Variants in MTG2 observed in about 807,000 individuals in gnomAD.
MTG2 encodes mitochondrial ribosome-associated GTPase 2.
A neutral mutation model predicts 28.6 loss-of-function variants in MTG2; 23 were observed. The observed-to-expected ratio is 0.80, with a 90% CI of 0.58 to 1.14. The LOEUF (loss-of-function observed/expected upper bound fraction) is 1.14. Among genes scored for constraint, MTG2 ranks in the 50% most tolerant of loss-of-function variants. The pLI is 0.00. For synonymous variants in MTG2, 260 were observed against 251.8 expected (o/e 1.03, Z -0.31); for missense variants, 539 against 552.0 (o/e 0.98, Z 0.24).
chr20:62,196,619 C>G (rs1470347149), intron 3 of MTG2, among the ~76,000 whole-genome samples: 2 of 151,938 alleles, frequency 1.3e-5, no homozygotes, highest in East Asian at 3.9e-4. Context: ...GCAGTGAGCT[C>G]CGATTGTGCT....
chr20:62,186,941 A>G (rs528125514), intron 1 of MTG2, among the ~76,000 whole-genome samples: 2 of 152,226 alleles, frequency 1.3e-5, no homozygotes, highest in East Asian at 3.9e-4. Context: ...GTTGCATAGC[A>G]GTGGTATGTG....
rs188471537 is a variant in MTG2, at chr20:62,191,655, C to T, written c.-5-1761C>T. Among the ~76,000 whole-genome samples, 114 of 152,276 alleles carry T rather than the reference C, an allele frequency of 7.5e-4. 1 individual carries two copies. In the East Asian group the frequency reaches 0.015, roughly 20 times the overall value. ...AGGCGGTGTCCCCTCGTTGTGCTCC[C>T]GCTCTGGCCCCGTGTTGAGTTTTCA... is the stretch of plus-strand genomic sequence containing the variant. On this transcript the variant is annotated intron_variant, in intron 1 of 6. Transcript: ENST00000370823.
chr20:62,198,884 C>A (rs1424830440), intron 5 of MTG2, 32 bp downstream of exon 5: 1 of 1,611,760 alleles, frequency 6.2e-7, no homozygotes, highest in East Asian at 2.2e-5. Flanking sequence ...AGCATCTGCA[C>A]ACACTCAGCT....
intron 1 of MTG2, among the ~76,000 whole-genome samples, chr20:62,188,225 G>A (rs543849353): frequency 3.9e-5 from 6 of 151,904 alleles, no homozygotes; most frequent in African/African-American, 1.4e-4. Flanking sequence ...TTTGGCCTAT[G>A]GATTATTTAG....
chr20:62,196,075 G>A lies in MTG2; in HGVS notation c.352+126G>A, dbSNP rs1476275144. The A allele has an allele frequency of 6.9e-6, 8 of 1,163,380 alleles. No homozygotes were observed. In the Admixed American group the frequency reaches 1.9e-4, roughly 27 times the overall value. The allele number at this position is 1,163,380 out of a possible 1,614,324, so 72.1% of individuals were successfully genotyped here. A position where few individuals can be genotyped will look rare whatever the true frequency, so the allele number is the denominator to read the frequency against. Reference sequence around the variant, plus strand: ...TGCCTGTGATCCCAGCACTTGGAGAGGCTGAGGCAGGAGGATCACTTGAGC... The same window carrying A: ...TGCCTGTGATCCCAGCACTTGGAGAAGCTGAGGCAGGAGGATCACTTGAGC... On this transcript the variant is annotated intron_variant, in intron 3 of 6. Coordinates refer to ENST00000370823, the MANE Select transcript of MTG2 (RefSeq NM_015666.4).
chr20:62,184,140 C>G (rs4925351), intron 1 of MTG2, among the ~76,000 whole-genome samples: 20,861 of 152,218 alleles, frequency 0.14, 1,475 homozygotes, highest in Non-Finnish European at 0.14. Context: ...GGGCAGATCA[C>G]GAGGTCAGGA....
rs1008640885 is a variant in MTG2 at position 62,199,175 on chromosome 20, A to G, written c.744A>G (p.Arg248=). The G allele has an allele frequency of 6.2e-7, 1 of 1,613,466 alleles. No homozygotes were observed. Among genetic ancestry groups the G allele is most frequent in the Non-Finnish European group, 8.5e-7 (1 of 1,179,866 alleles). The change falls in exon 6 of 7, where the codon AGA becomes AGG. Residue 248 remains arginine (R), a synonymous_variant. Transcript: ENST00000370823. ...TGCTCCGGGCCATTTCAAACGCCAG[A>G]CCCGCCGTGGCTTCCTACCCGTTCA... ...SSLLRAISNA[R]PAVASYPFTT...
At chr20:62,184,845 C>T (rs935124346) in intron 1 of MTG2, among the ~76,000 whole-genome samples, 2 of 151,930 alleles carry the variant, frequency 1.3e-5, no homozygotes, top group African/African-American at 2.4e-5. Flanking sequence ...TGTGGTGGCT[C>T]GCGCCTGTAA....
chr20:62,198,046 CGG>C lies in MTG2; in HGVS notation c.468+82_468+83del. 3 of 1,284,468 alleles carry C rather than the reference CGG, an allele frequency of 2.3e-6. No homozygotes were observed. In the Admixed American group the frequency reaches 5.5e-5, roughly 24 times the overall value. The allele number at this position is 1,284,468 out of a possible 1,614,324, so 79.6% of individuals were successfully genotyped here. A position where few individuals can be genotyped will look rare whatever the true frequency, so the allele number is the denominator to read the frequency against. ...CTCCTGGGGGCCACCGTGTGACCCA[CGG>C]GGCCCCTGTGGCTTGATGCCCACAG... On this transcript the variant is annotated intron_variant, in intron 4 of 6. Transcript: ENST00000370823.
intron 2 of MTG2, 188 bp downstream of exon 2, chr20:62,193,812 A>G (rs566623737): frequency 1.6e-6 from 1 of 615,784 alleles, no homozygotes; most frequent in East Asian, 2.8e-5. Flanking sequence ...ACGCTCAGCA[A>G]ATCCCAGCAG....
intron 4 of MTG2, 74 bp downstream of exon 4, chr20:62,198,041 A>G: frequency 7.3e-7 from 1 of 1,364,482 alleles, no homozygotes; most frequent in Non-Finnish European, 1.0e-6. Flanking sequence ...CCACCGTGTG[A>G]CCCACGGGGC....
chr20:62,198,969 C>A, intron 5 of MTG2, 117 bp downstream of exon 5: 2 of 1,537,908 alleles, frequency 1.3e-6, no homozygotes, highest in South Asian at 1.2e-5. Context: ...CACCTTTTTC[C>A]CATCAGTACA....
intron 1 of MTG2, among the ~76,000 whole-genome samples, chr20:62,184,182 C>G (rs765333410): frequency 6.6e-6 from 1 of 152,182 alleles, no homozygotes; most frequent in African/African-American, 2.4e-5. Flanking sequence ...CATGGTGAAA[C>G]CCCATCTCTA....
chr20:62,198,959 C>T (rs2058110611), intron 5 of MTG2, 107 bp downstream of exon 5: 1 of 1,546,684 alleles, frequency 6.5e-7, no homozygotes, highest in Non-Finnish European at 8.8e-7. Flanking sequence ...CTTTGCGACT[C>T]ACCTTTTTCC....
chr20:62,200,783 G>T lies in MTG2; in HGVS notation c.927G>T (p.Val309=), dbSNP rs771919472. The change falls in exon 7 of 7, where the codon GTG becomes GTT. Residue 309 remains valine (V), a synonymous_variant. Transcript: ENST00000370823. ...HIERCRFLLF[V]VDLSQPEPWT... is the part of the protein sequence containing the mutation. Reference sequence around the variant, plus strand: ...AGCGCTGCCGCTTTCTCTTGTTCGTGGTGGATCTTTCTCAGCCTGAGCCGT... The same window carrying T: ...AGCGCTGCCGCTTTCTCTTGTTCGTTGTGGATCTTTCTCAGCCTGAGCCGT... 6.2e-7 allele frequency: 1 copy of T among 1,613,848 alleles called. No homozygotes were observed. Among genetic ancestry groups the T allele is most frequent in the Non-Finnish European group, 8.5e-7 (1 of 1,180,040 alleles).
rs565942875 is a variant in MTG2 at position 62,185,889 on chromosome 20, C to T, written c.-6+2832C>T. Among the ~76,000 whole-genome samples the T allele has an allele frequency of 4.6e-5, 7 of 152,222 alleles. No homozygotes were observed. In the South Asian group the frequency reaches 1.2e-3, roughly 27 times the overall value. On this transcript the variant is annotated intron_variant, in intron 1 of 6. Transcript: ENST00000370823. ...GTGAAAACAGTGGGATTTGTTCATC[C>T]GGCAGGGGAGAGAGCACAGCACTCA... is the stretch of plus-strand genomic sequence containing the variant.
chr20:62,198,014 C>A, intron 4 of MTG2, 47 bp downstream of exon 4: 1 of 1,555,048 alleles, frequency 6.4e-7, no homozygotes, highest in Non-Finnish European at 8.9e-7. Flanking sequence ...TGTTCTGGAT[C>A]ATCCAGCTCC....
intron 6 of MTG2, 156 bp downstream of exon 6, chr20:62,199,413 A>ATAC: frequency 4.1e-5 from 34 of 834,474 alleles, no homozygotes; most frequent in South Asian, 1.5e-4. Context: ...TGGGAGGCCG[A>ATAC]GGCAGGCGGA....
Position 62,199,226 on chromosome 20 carries a change from C to T in MTG2, c.795C>T (p.Ile265=), listed in dbSNP as rs1568791832. ...CCACCCTGAAGCCCCACGTCGGGAT[C>T]GTCCACTACGAAGGCCACCTACAAA... ...PFTTLKPHVG[I]VHYEGHLQIA... is the part of the protein sequence containing the mutation. The change falls in exon 6 of 7, where the codon ATC becomes ATT. Residue 265 remains isoleucine (I), a synonymous_variant. Coordinates refer to ENST00000370823, the MANE Select transcript of MTG2 (RefSeq NM_015666.4). The T allele has an allele frequency of 3.1e-6, 5 of 1,614,100 alleles. No homozygotes were observed. The highest frequency in any genetic ancestry group is 1.3e-5 in the African/African-American group (1 of 75,066).
Sources: gnomAD v4.1 joint callset for allele counts (sites outside exome capture counted in the v4.1 genomes callset) on GRCh38, gnomAD v4.1.1 for gene constraint, MANE v1.5 for transcripts, NCBI Gene and HGNC (gene_info 2026-07-23, HGNC 2026-07-21) for gene names.